The following SUGCT variants were observed in gnomAD, a reference collection of about 807,000 sequenced individuals.
The protein encoded by SUGCT is succinyl-CoA:glutarate-CoA transferase, also known as succinyl-CoA:glutarate CoA-transferase.
In SUGCT, 41 loss-of-function variants were observed where a neutral mutation model predicts 55.0. That is an observed-to-expected ratio of 0.74 (90% confidence interval 0.58 to 0.97). The LOEUF (loss-of-function observed/expected upper bound fraction) is 0.97, where lower values mean the gene tolerates loss of function less well. Ranked by LOEUF, SUGCT falls within the 50% of genes least tolerant of loss-of-function variation. The pLI is 0.00. For missense variants in SUGCT, 568 were observed against 547.8 expected (o/e 1.04, Z -0.37); for synonymous variants, 187 against 200.4 (o/e 0.93, Z 0.56).
chr7:40,626,821 C>T (rs1799549292), intron 12 of SUGCT, among the ~76,000 whole-genome samples: 1 of 152,094 alleles, frequency 6.6e-6, no homozygotes, highest in South Asian at 2.1e-4. Flanking sequence ...ATACCTGCTT[C>T]TCTAGCTCAG....
At chr7:40,895,194 A>G in the SUGCT span, among the ~76,000 whole-genome samples, 1 of 152,178 alleles carries the variant, frequency 6.6e-6, no homozygotes, top group African/African-American at 2.4e-5. Flanking sequence ...CATTATCCTA[A>G]GCAAACTAAC....
intron 12 of SUGCT, among the ~76,000 whole-genome samples, chr7:40,721,809 G>A (rs1243014186): frequency 6.6e-6 from 1 of 152,144 alleles, no homozygotes; most frequent in Non-Finnish European, 1.5e-5. Flanking sequence ...CTCTGTTTAT[G>A]CATATGTGTA....
the SUGCT span, chr7:40,979,322 A>G: frequency 6.6e-6 from 1 of 152,262 alleles, no homozygotes; most frequent in African/African-American, 2.4e-5. Context: ...TGAAGCTGAC[A>G]TAGTGTACGT....
chr7:40,496,232 C>A, intron 11 of SUGCT, 52 bp from the exon 12 acceptor site: 1 of 1,132,760 alleles, frequency 8.8e-7, no homozygotes, highest in South Asian at 1.3e-5. Flanking sequence ...ATAGAAGAGG[C>A]TGTGTTACAT....
chr7:40,694,014 A>G (rs1401280808), intron 12 of SUGCT, among the ~76,000 whole-genome samples: 1 of 152,220 alleles, frequency 6.6e-6, no homozygotes, highest in Non-Finnish European at 1.5e-5. Flanking sequence ...TGCACAGCCA[A>G]TGTGTATCTA....
At chr7:40,892,009 C>CAA in the SUGCT span, among the ~76,000 whole-genome samples, 71 of 141,112 alleles carry the variant, frequency 5.0e-4, no homozygotes, top group African/African-American at 1.8e-3. Context: ...TCTGTCTCAA[C>CAA]AAAAAAAAAA....
At chr7:40,960,920 T>A in the SUGCT span, among the ~76,000 whole-genome samples, 2 of 152,242 alleles carry the variant, frequency 1.3e-5, no homozygotes, top group African/African-American at 2.4e-5. Flanking sequence ...TCACTGGTCC[T>A]GTGACAATTT....
At chr7:40,678,507 A>G (rs1181548409) in intron 12 of SUGCT, among the ~76,000 whole-genome samples, 1 of 152,180 alleles carries the variant, frequency 6.6e-6, no homozygotes, top group African/African-American at 2.4e-5. Flanking sequence ...AAGAGTACAC[A>G]GTGGGGTGTG....
chr7:40,282,587 T>C (rs775606048), intron 8 of SUGCT, among the ~76,000 whole-genome samples: 10 of 151,904 alleles, frequency 6.6e-5, no homozygotes, highest in African/African-American at 1.5e-4. Flanking sequence ...TATACAAAAA[T>C]CAACTTAAAA....
chr7:40,419,340 T>G (rs748457238), intron 9 of SUGCT, among the ~76,000 whole-genome samples: 1 of 152,124 alleles, frequency 6.6e-6, no homozygotes, highest in Non-Finnish European at 1.5e-5. Flanking sequence ...CTTCTATATA[T>G]TACTGGCCAA....
At chr7:40,604,952 T>C (rs988249430) in intron 12 of SUGCT, among the ~76,000 whole-genome samples, 19 of 152,214 alleles carry the variant, frequency 1.2e-4, no homozygotes, top group African/African-American at 4.3e-4. Context: ...TTGGGTTTGT[T>C]GAACAACTTC....
At chr7:40,192,107 CAAAAAAAAAA>C (rs34662909) in intron 5 of SUGCT, among the ~76,000 whole-genome samples, 2 of 61,368 alleles carry the variant, frequency 3.3e-5, no homozygotes, top group Admixed American at 4.1e-4. Context: ...GATTCCATCT[CAAAAAAAAAA>C]AAAAAAAAAA....
At chr7:41,009,552 A>ACCAT in the SUGCT span, among the ~76,000 whole-genome samples, 1 of 145,164 alleles carries the variant, frequency 6.9e-6, no homozygotes, top group African/African-American at 2.6e-5. Flanking sequence ...CCTTCCATCC[A>ACCAT]CCATCCATCC....
chr7:40,954,680 G>C, the SUGCT span, among the ~76,000 whole-genome samples: 77 of 152,270 alleles, frequency 5.1e-4, no homozygotes, highest in Middle Eastern at 3.4e-3. Context: ...TGTTGCCATT[G>C]GTTTTGGTGT....
At chr7:40,492,865 AT>A (rs1395338622) in intron 11 of SUGCT, among the ~76,000 whole-genome samples, 1 of 152,150 alleles carries the variant, frequency 6.6e-6, no homozygotes, top group East Asian at 1.9e-4. Flanking sequence ...TGTGTTCTCC[AT>A]TAGACTATAT....
intron 12 of SUGCT, among the ~76,000 whole-genome samples, chr7:40,516,041 T>G (rs1362359661): frequency 2.0e-5 from 3 of 152,226 alleles, no homozygotes; most frequent in Non-Finnish European, 4.4e-5. Flanking sequence ...TCATTTCTTT[T>G]TAATATAGCC....
At chr7:40,881,982 G>C in the SUGCT span, among the ~76,000 whole-genome samples, 1 of 152,110 alleles carries the variant, frequency 6.6e-6, no homozygotes, top group African/African-American at 2.4e-5. Flanking sequence ...CTCTAATATT[G>C]GTCTAAGTCT....
At chr7:40,449,189 C>A in intron 9 of SUGCT, 98 bp from the exon 10 acceptor site, 2 of 746,834 alleles carry the variant, frequency 2.7e-6, no homozygotes, top group Non-Finnish European at 4.4e-6. Flanking sequence ...AATAACATTG[C>A]TTTAGAACAA....
chr7:40,352,132 G>A (rs775646652), intron 9 of SUGCT, among the ~76,000 whole-genome samples: 5 of 152,146 alleles, frequency 3.3e-5, no homozygotes, highest in African/African-American at 7.2e-5. Flanking sequence ...ACCACATCTC[G>A]ATCTGTCTGC....
Sources: gnomAD v4.1 joint callset for allele counts (sites outside exome capture counted in the v4.1 genomes callset) on GRCh38, gnomAD v4.1.1 for gene constraint, MANE v1.5 for transcripts, NCBI Gene and HGNC (gene_info 2026-07-23, HGNC 2026-07-21) for gene names.